Variants in UTRN observed in about 807,000 individuals in gnomAD.
The protein encoded by UTRN is dystrophin-related protein 1.
UTRN carries 283 observed loss-of-function variants against 463.9 expected under a neutral mutation model. The observed-to-expected ratio is 0.61, with a 90% confidence interval of 0.55 to 0.67. The LOEUF (loss-of-function observed/expected upper bound fraction) is 0.67, where lower values mean the gene tolerates loss of function less well. UTRN is among the 30% of genes least tolerant of loss of function. The pLI is 0.00. For synonymous variants in UTRN, 1,442 were observed against 1,431.5 expected (o/e 1.01, Z -0.17); for missense variants, 3,922 against 4,084.3 (o/e 0.96, Z 1.08).
chr6:144,518,893 G>A (rs1370874561), intron 39 of UTRN, among the ~76,000 whole-genome samples: 1 of 151,190 alleles, frequency 6.6e-6, no homozygotes, highest in Non-Finnish European at 1.5e-5. Flanking sequence ...GTGAACATGA[G>A]AATTACTGTG....
intron 51 of UTRN, among the ~76,000 whole-genome samples, chr6:144,624,485 T>C (rs1399136853): frequency 1.3e-5 from 2 of 152,112 alleles, no homozygotes; most frequent in Non-Finnish European, 2.9e-5. Context: ...GCAGTTTGAA[T>C]TGGTAGAAAA....
intron 58 of UTRN, among the ~76,000 whole-genome samples, chr6:144,768,948 G>A (rs5880612): frequency 7.9e-6 from 1 of 126,034 alleles, no homozygotes; most frequent in Non-Finnish European, 1.6e-5. Flanking sequence ...TTTGTTTTTT[G>A]TTTTGTTTTG....
chr6:144,835,125 A>G (rs756136550), intron 69 of UTRN, among the ~76,000 whole-genome samples: 6 of 152,234 alleles, frequency 3.9e-5, no homozygotes, highest in African/African-American at 7.2e-5. Context: ...TACTAATTCA[A>G]CCACGTTACT....
chr6:144,397,951 T>A, intron 2 of UTRN: 1 of 185,498 alleles, frequency 5.4e-6, no homozygotes. Flanking sequence ...ACTTCCACCA[T>A]TTCCACCTCT....
In UTRN at chr6:144,428,813, T is replaced by C; in HGVS notation, c.614T>C (p.Met205Thr). The C allele has an allele frequency of 3.7e-6, 6 of 1,611,406 alleles. No homozygotes were observed. Among genetic ancestry groups the C allele is most frequent in the Non-Finnish European group, 5.1e-6 (6 of 1,179,264 alleles). ...TTCAGCTGGGATAAAGTTGTCAAAA[T>C]GTCACCAATTGAGAGACTTGAACAT... Reference protein sequence around the residue: ...DLFSWDKVVKMSPIERLEHAF... With the variant: ...DLFSWDKVVKTSPIERLEHAF... The change falls in exon 8 of 75, where the codon ATG becomes ACG. Residue 205 changes from methionine (M) to threonine (T), a missense_variant. Around this residue, in one of 3 missense-constraint regions of UTRN, gnomAD observed 264 missense variants for 327.9 expected, o/e 0.81. Coordinates refer to ENST00000367545, the MANE Select transcript of UTRN (RefSeq NM_007124.3).
At chr6:144,583,819 C>G (rs770448879) in intron 51 of UTRN, among the ~76,000 whole-genome samples, 1 of 152,138 alleles carries the variant, frequency 6.6e-6, no homozygotes, top group Non-Finnish European at 1.5e-5. Context: ...TTGACACAAT[C>G]TTGTCTTCTG....
At chr6:144,737,775 C>T (rs191264039) in intron 54 of UTRN, among the ~76,000 whole-genome samples, 7 of 151,792 alleles carry the variant, frequency 4.6e-5, no homozygotes, top group Non-Finnish European at 1.0e-4. Flanking sequence ...TACTTAATTT[C>T]ATTTAATTTG....
intron 34 of UTRN, among the ~76,000 whole-genome samples, chr6:144,504,005 C>T (rs1177109005): frequency 6.6e-6 from 1 of 152,174 alleles, no homozygotes; most frequent in African/African-American, 2.4e-5. Flanking sequence ...CTCTTTGCAG[C>T]AATTGTGAAT....
chr6:144,367,907 G>A (rs532594182), intron 2 of UTRN, among the ~76,000 whole-genome samples: 2 of 152,100 alleles, frequency 1.3e-5, no homozygotes, highest in Admixed American at 6.5e-5. Context: ...TCAGCCTTCC[G>A]AGTAGCTGGG....
intron 51 of UTRN, among the ~76,000 whole-genome samples, chr6:144,653,420 C>G (rs1009933961): frequency 6.6e-6 from 1 of 151,852 alleles, no homozygotes; most frequent in Non-Finnish European, 1.5e-5. Flanking sequence ...CCCATCTCTA[C>G]TAAAAAATAC....
chr6:144,394,093 A>G (rs932559552), intron 2 of UTRN, among the ~76,000 whole-genome samples: 1 of 152,216 alleles, frequency 6.6e-6, no homozygotes, highest in Non-Finnish European at 1.5e-5. Context: ...GCCAAACTGT[A>G]TTATTGCTGG....
chr6:144,447,406 C>A, intron 15 of UTRN, 88 bp downstream of exon 15: 2 of 1,384,288 alleles, frequency 1.4e-6, no homozygotes, highest in Non-Finnish European at 2.0e-6. Context: ...TTAGTGAATG[C>A]AGATTACAGC....
intron 2 of UTRN, among the ~76,000 whole-genome samples, chr6:144,315,292 A>C (rs1300028098): frequency 6.6e-6 from 1 of 152,210 alleles, no homozygotes; most frequent in African/African-American, 2.4e-5. Context: ...TGGCCTGAAC[A>C]GTGGCTTATC....
At chr6:144,780,593 A>T (rs1775737509) in intron 60 of UTRN, among the ~76,000 whole-genome samples, 1 of 152,206 alleles carries the variant, frequency 6.6e-6, no homozygotes, top group African/African-American at 2.4e-5. Context: ...GTAGTTTGAT[A>T]ATCTGCTTTG....
chr6:144,659,817 T>C (rs1362432996), intron 51 of UTRN: 1 of 152,544 alleles, frequency 6.6e-6, no homozygotes, highest in Non-Finnish European at 1.5e-5. Context: ...ATATAGCTTC[T>C]TTTTTTGCTG....
intron 2 of UTRN, among the ~76,000 whole-genome samples, chr6:144,346,459 G>C (rs768257690): frequency 6.6e-6 from 1 of 152,228 alleles, no homozygotes; most frequent in East Asian, 1.9e-4. Flanking sequence ...TGATTTTTTT[G>C]TGTGTGTCCA....
chr6:144,342,049 C>T (rs9484868), intron 2 of UTRN, among the ~76,000 whole-genome samples: 9,933 of 152,186 alleles, frequency 0.065, 1,094 homozygotes, highest in African/African-American at 0.22. Flanking sequence ...AATATTTAGT[C>T]CTGATTCTAG....
At chr6:144,651,941 T>C (rs1778854682) in intron 51 of UTRN, among the ~76,000 whole-genome samples, 1 of 152,162 alleles carries the variant, frequency 6.6e-6, no homozygotes, top group Non-Finnish European at 1.5e-5. Context: ...CTGTATCCAA[T>C]GTGTAGTCTT....
At chr6:144,503,760 G>GT (rs1015914345) in intron 34 of UTRN, among the ~76,000 whole-genome samples, 45 of 152,076 alleles carry the variant, frequency 3.0e-4, no homozygotes, top group Middle Eastern at 6.8e-3. Context: ...AATTTACAGT[G>GT]TTTTTTTCTA....
Sources: allele counts gnomAD v4.1 joint callset (sites outside exome capture counted in the v4.1 genomes callset), GRCh38; gene constraint gnomAD v4.1.1; regional missense constraint gnomAD v4.1.1; transcripts MANE v1.5; gene names NCBI Gene and HGNC (gene_info 2026-07-23, HGNC 2026-07-21).